The following DYSF variants were observed in gnomAD, a reference collection of about 807,000 sequenced individuals.
DYSF encodes dystrophy-associated fer-1-like 1.
DYSF carries 212 observed loss-of-function variants against 274.9 expected under a neutral mutation model. That is an observed-to-expected ratio of 0.77 (90% CI 0.69 to 0.86). The LOEUF is 0.86. Among genes scored for constraint, DYSF ranks in the 40% least tolerant of loss-of-function variants. The pLI, the probability that DYSF is intolerant of heterozygous loss-of-function variation, is 0.00. For missense variants in DYSF, 2,666 were observed against 2,783.2 expected, an observed-to-expected ratio of 0.96 and a Z score of 0.95; for synonymous variants, 1,091 against 1,078.7, an observed-to-expected ratio of 1.01 and a Z score of -0.22.
At chr2:71,579,277 G>A (rs1173623487) in intron 30 of DYSF, among the ~76,000 whole-genome samples, 1 of 152,114 alleles carries the variant, frequency 6.6e-6, no homozygotes, top group Non-Finnish European at 1.5e-5. Context: ...CCCTGCCTCT[G>A]TGCTTGGCTT....
Position 71,511,839 on chromosome 2 carries a change from G to T in DYSF, c.378G>T (p.Pro126=), listed in dbSNP as rs377056951. ...ASLVLQVSYT[P]LPGAVPLFPP... The stretch of plus-strand genomic sequence containing the variant: ...TGGTCCTGCAGGTGTCCTACACACC[G>T]CTGCCTGGAGCTGTGCCCCTGTTCC... The change falls in exon 5 of 56, where the codon CCG becomes CCT. Residue 126 remains proline (P), a synonymous_variant. Transcript: ENST00000410020. The T allele has an allele frequency of 2.4e-5, 38 of 1,551,356 alleles. No homozygotes were observed. Among genetic ancestry groups the T allele is most frequent in the Non-Finnish European group, 1.3e-5 (15 of 1,146,858 alleles).
At chr2:71,485,527 G>A (rs1342606450) in intron 3 of DYSF, among the ~76,000 whole-genome samples, 3 of 152,180 alleles carry the variant, frequency 2.0e-5, no homozygotes, top group East Asian at 3.9e-4. Context: ...TTTGTGCCAG[G>A]AGAACATGGG....
In DYSF at chr2:71,584,169, A is replaced by AGT. The variant is rs35577501; in HGVS notation, c.3403-5406_3403-5405dup. On this transcript the variant is annotated intron_variant, in intron 30 of 55. Coordinates refer to ENST00000410020, the MANE Select transcript of DYSF (RefSeq NM_001130987.2). Reference sequence around the variant, plus strand: ...GGGCCTGGCCCTGGGGCTGGGCAAGAGTGTGTGTGTGTGTGTGTGAATGGG... The same window carrying AGT: ...GGGCCTGGCCCTGGGGCTGGGCAAGAGTGTGTGTGTGTGTGTGTGTGAATGGG... Among the ~76,000 whole-genome samples the AGT allele has an allele frequency of 9.8e-4, 136 of 139,062 alleles. 1 individual carries two copies. The highest frequency in any genetic ancestry group is 3.5e-3 in the Middle Eastern group (1 of 282). 91.2% of individuals were successfully genotyped at this position (139,062 alleles called of 152,430 possible). A position where few individuals can be genotyped will look rare whatever the true frequency, so the allele number is the denominator to read the frequency against.
chr2:71,497,894 TA>T (rs1435131409), intron 3 of DYSF, among the ~76,000 whole-genome samples: 2 of 152,198 alleles, frequency 1.3e-5, no homozygotes, highest in Non-Finnish European at 2.9e-5. Flanking sequence ...AATCTATAAC[TA>T]AAACTAAGGT....
At chr2:71,678,834 T>G (rs2095259162) in intron 52 of DYSF, among the ~76,000 whole-genome samples, 1 of 152,122 alleles carries the variant, frequency 6.6e-6, no homozygotes, top group Non-Finnish European at 1.5e-5. Context: ...TGGATGAACA[T>G]GCATATGAAC....
At chr2:71,660,272 G>C (rs1427264876) in intron 44 of DYSF, among the ~76,000 whole-genome samples, 1 of 152,348 alleles carries the variant, frequency 6.6e-6, no homozygotes, top group East Asian at 1.9e-4. Context: ...AATGCAGACT[G>C]TTGTGTTTCT....
intron 53 of DYSF, among the ~76,000 whole-genome samples, chr2:71,679,489 A>G (rs2095269352): frequency 6.6e-6 from 1 of 151,656 alleles, no homozygotes; most frequent in Admixed American, 6.6e-5. Flanking sequence ...CTCTGTTTAT[A>G]CTCTACTCAT....
chr2:71,617,897 G>A (rs2093940594), intron 40 of DYSF, among the ~76,000 whole-genome samples: 1 of 111,386 alleles, frequency 9.0e-6, no homozygotes, highest in African/African-American at 3.1e-5. Flanking sequence ...TGGTAGAGGT[G>A]TGTTTGTGGT....
chr2:71,583,662 C>G (rs1020724731), intron 30 of DYSF, among the ~76,000 whole-genome samples: 2 of 152,212 alleles, frequency 1.3e-5, no homozygotes, highest in East Asian at 3.9e-4. Flanking sequence ...CCATTGCAAA[C>G]AGAGGGTCTG....
At chr2:71,574,902 C>T (rs2092649517) in intron 30 of DYSF, among the ~76,000 whole-genome samples, 1 of 152,174 alleles carries the variant, frequency 6.6e-6, no homozygotes. Context: ...GCTCAAGGTT[C>T]TCCAGGGCCG....
chr2:71,505,340 G>T (rs4606960), intron 4 of DYSF, among the ~76,000 whole-genome samples: 108 of 152,150 alleles, frequency 7.1e-4, no homozygotes, highest in Admixed American at 1.6e-3. Context: ...CGCTCACTGA[G>T]ACCTCATTTC....
chr2:71,523,905 G>A (rs1430437167), intron 12 of DYSF, among the ~76,000 whole-genome samples: 1 of 152,116 alleles, frequency 6.6e-6, no homozygotes, highest in Non-Finnish European at 1.5e-5. Flanking sequence ...AAAACCTCCA[G>A]TGACTTCCCA....
At chr2:71,605,440 G>A (rs767796913) in intron 36 of DYSF, among the ~76,000 whole-genome samples, 58 of 152,300 alleles carry the variant, frequency 3.8e-4, no homozygotes, top group Non-Finnish European at 6.5e-4. Context: ...AGGTGATCGT[G>A]GGTCCCTGAA....
chr2:71,517,120 TC>T, intron 10 of DYSF, 81 bp downstream of exon 10: 1 of 1,303,122 alleles, frequency 7.7e-7, no homozygotes, highest in Non-Finnish European at 1.1e-6. Context: ...GGGCAGGGGC[TC>T]CAGAGATCCT....
chr2:71,611,049 C>T, intron 36 of DYSF, 196 bp from the exon 37 acceptor site: 1 of 631,546 alleles, frequency 1.6e-6, no homozygotes, highest in Non-Finnish European at 2.9e-6. Context: ...GAATTGTGAT[C>T]CTGGAGAAGA....
At chr2:71,636,979 A>T (rs936302902) in intron 41 of DYSF, among the ~76,000 whole-genome samples, 17 of 152,194 alleles carry the variant, frequency 1.1e-4, no homozygotes, top group African/African-American at 4.1e-4. Flanking sequence ...TGGATTGATT[A>T]TTGAGGCCTG....
intron 51 of DYSF, among the ~76,000 whole-genome samples, chr2:71,671,931 G>A (rs2095130377): frequency 6.6e-6 from 1 of 152,140 alleles, no homozygotes; most frequent in Non-Finnish European, 1.5e-5. Flanking sequence ...GAGGGTCTTG[G>A]TCAGACTTGG....
intron 3 of DYSF, among the ~76,000 whole-genome samples, chr2:71,494,897 A>G (rs77259316): frequency 0.052 from 7,905 of 152,214 alleles, 257 homozygotes; most frequent in African/African-American, 0.11. Flanking sequence ...TTATTTCTCT[A>G]CCCTCAGGAA....
intron 41 of DYSF, among the ~76,000 whole-genome samples, chr2:71,622,360 A>C (rs1030789529): frequency 6.6e-6 from 1 of 152,092 alleles, no homozygotes; most frequent in Non-Finnish European, 1.5e-5. Context: ...TTGTTAATTG[A>C]TTCTGTTTGG....
Sources: gnomAD v4.1 joint callset for allele counts (sites outside exome capture counted in the v4.1 genomes callset) on GRCh38, gnomAD v4.1.1 for gene constraint, MANE v1.5 for transcripts, NCBI Gene and HGNC (gene_info 2026-07-23, HGNC 2026-07-21) for gene names.